TMEM17: variants seen among roughly 807,000 people sequenced by gnomAD.
TMEM17 encodes the protein transmembrane protein 17.
Under a neutral mutation model 19.1 loss-of-function variants are expected in TMEM17, and 15 were observed. The observed-to-expected ratio is 0.78, with a 90% CI of 0.52 to 1.21. The LOEUF (loss-of-function observed/expected upper bound fraction) is 1.21. Among genes scored for constraint, TMEM17 ranks in the 50% most tolerant of loss-of-function variants. TMEM17 has a pLI of 0.00. For missense variants in TMEM17, 245 were observed against 242.3 expected (o/e 1.01, Z -0.07); for synonymous variants, 103 against 86.9 (o/e 1.19, Z -1.03).
chr2:62,480,152 T>G, the TMEM17 span, among the ~76,000 whole-genome samples: 1 of 152,202 alleles, frequency 6.6e-6, no homozygotes, highest in Non-Finnish European at 1.5e-5. Context: ...TTTATTTCCC[T>G]GATGATTAGT....
At chr2:62,475,191 G>A in the TMEM17 span, among the ~76,000 whole-genome samples, 1 of 152,206 alleles carries the variant, frequency 6.6e-6, no homozygotes, top group Admixed American at 6.5e-5. Context: ...CAGCTTCTGA[G>A]CCAGACCAAG....
At position 62,501,031 on chromosome 2, in the gene TMEM17, AATATACTGTTTC is replaced by A. The variant is rs1679912859; in HGVS notation, c.*166_*177del. The A allele has an allele frequency of 1.9e-5, 11 of 579,362 alleles. No individual in the cohort carries two copies. Among genetic ancestry groups the A allele is most frequent in the Middle Eastern group, 4.8e-4 (1 of 2,080 alleles). The allele number at this position is 579,362 out of a possible 1,614,324, so 35.9% of individuals were successfully genotyped here. A position where few individuals can be genotyped will look rare whatever the true frequency, so the allele number is the denominator to read the frequency against. On this transcript the variant is annotated 3_prime_UTR_variant, in exon 4 of 4. Coordinates refer to ENST00000335390, the MANE Select transcript of TMEM17 (RefSeq NM_198276.3). ...TGGACAACATCTAGGTTTTAGGGTT[AATATACTGTTTC>A]ATATACTGTACAAAGTTTCATCATT... is the stretch of plus-strand genomic sequence containing the variant.
At chr2:62,465,952 G>T in the TMEM17 span, among the ~76,000 whole-genome samples, 2 of 152,146 alleles carry the variant, frequency 1.3e-5, no homozygotes, top group East Asian at 1.9e-4. Flanking sequence ...GGCAGGAAAG[G>T]CCTCAAATGC....
chr2:62,499,337 C>A (rs1679859846), downstream of TMEM17, among the ~76,000 whole-genome samples: 1 of 152,128 alleles, frequency 6.6e-6, no homozygotes, highest in African/African-American at 2.4e-5. Context: ...AATTTATCTG[C>A]TTTGTAGATT....
chr2:62,471,892 T>A, the TMEM17 span, among the ~76,000 whole-genome samples: 1 of 152,248 alleles, frequency 6.6e-6, no homozygotes, highest in Non-Finnish European at 1.5e-5. Flanking sequence ...TCGTCTATGG[T>A]GTTTCAGCCC....
the TMEM17 span, among the ~76,000 whole-genome samples, chr2:62,464,914 G>A: frequency 6.6e-6 from 1 of 152,196 alleles, no homozygotes; most frequent in African/African-American, 2.4e-5. Flanking sequence ...ATCAAGGGCA[G>A]GGTCTGCAAA....
the TMEM17 span, among the ~76,000 whole-genome samples, chr2:62,466,035 C>T: frequency 6.6e-6 from 1 of 152,164 alleles, no homozygotes; most frequent in Admixed American, 6.5e-5. Context: ...CAACAGAACT[C>T]AAGAAGTTCC....
chr2:62,496,387 A>C (rs1047996265), downstream of TMEM17, among the ~76,000 whole-genome samples: 3 of 152,248 alleles, frequency 2.0e-5, no homozygotes, highest in Non-Finnish European at 4.4e-5. Flanking sequence ...TATGTATAAA[A>C]GAAAAAGGAA....
chr2:62,498,467 A>AGCACTTTGGG (rs1292625188), downstream of TMEM17, among the ~76,000 whole-genome samples: 1 of 151,330 alleles, frequency 6.6e-6, no homozygotes, highest in Non-Finnish European at 1.5e-5. Context: ...CTGTAATCCC[A>AGCACTTTGGG]GCACTTTGGG....
At chr2:62,469,563 AT>A in the TMEM17 span, among the ~76,000 whole-genome samples, 1 of 152,218 alleles carries the variant, frequency 6.6e-6, no homozygotes, top group Non-Finnish European at 1.5e-5. Flanking sequence ...AAGGAATTTT[AT>A]TTAAAGAAAA....
rs946096785 is a variant in TMEM17, at chr2:62,501,156, A to G, written c.*53T>C. On this transcript the variant is annotated 3_prime_UTR_variant, in exon 4 of 4. Transcript: ENST00000335390. ...TTTCTCAGAGCTCTGATATTTTCCT[A>G]ACTCTTACAGTCTCTAGAATGATCT... 1.3e-6 allele frequency: 2 copies of G among 1,557,618 alleles called. No homozygotes were observed. The highest frequency in any genetic ancestry group is 3.8e-5 in the Admixed American group (2 of 52,346).
the TMEM17 span, among the ~76,000 whole-genome samples, chr2:62,465,833 T>C: frequency 5.3e-5 from 8 of 152,084 alleles, no homozygotes; most frequent in African/African-American, 1.9e-4. Context: ...GATACTTAGA[T>C]GTGGAAAGGT....
intron 1 of TMEM17, among the ~76,000 whole-genome samples, chr2:62,504,034 C>A (rs978527049): frequency 2.6e-5 from 4 of 152,144 alleles, no homozygotes; most frequent in South Asian, 4.1e-4. Flanking sequence ...AGTTGCTGTA[C>A]ACGTAAGATT....
In TMEM17 at chr2:62,502,739, G is replaced by A. The variant is rs1679964211; in HGVS notation, c.156C>T (p.Tyr52=). Residue 52 remains tyrosine, a synonymous_variant, in exon 2 of 4, where the codon TAC becomes TAT. Transcript: ENST00000335390. ...TGCTCACCCACCACAGTGGGAAATA[G>A]TAGGTATTAAAATAAAGTGACATCT... ...ALQMSLYFNT[Y]YFPLWWVSSI... The A allele has an allele frequency of 6.2e-7, 1 of 1,609,992 alleles. No homozygotes were observed. The highest frequency in any genetic ancestry group is 8.5e-7 in the Non-Finnish European group (1 of 1,178,820).
chr2:62,483,894 C>A, the TMEM17 span, among the ~76,000 whole-genome samples: 1 of 152,126 alleles, frequency 6.6e-6, no homozygotes, highest in African/African-American at 2.4e-5. Flanking sequence ...AGCCACCACA[C>A]CCGGCCTACG....
chr2:62,495,496 C>T (rs1679755807), downstream of TMEM17, among the ~76,000 whole-genome samples: 1 of 152,136 alleles, frequency 6.6e-6, no homozygotes, highest in East Asian at 1.9e-4. Flanking sequence ...GATTTAAAAC[C>T]CCCAAATTAA....
At chr2:62,460,349 C>T in the TMEM17 span, among the ~76,000 whole-genome samples, 3 of 152,176 alleles carry the variant, frequency 2.0e-5, no homozygotes, top group Admixed American at 6.5e-5. Flanking sequence ...AGCCATGGAG[C>T]GCCATGCCCA....
intron 1 of TMEM17, among the ~76,000 whole-genome samples, chr2:62,505,762 C>A (rs1310022712): frequency 6.6e-6 from 1 of 151,934 alleles, no homozygotes; most frequent in African/African-American, 2.4e-5. Context: ...TTGCGCGGCA[C>A]AGAGATCGGC....
At chr2:62,491,213 A>G in the TMEM17 span, 1 of 151,782 alleles carries the variant, frequency 6.6e-6, no homozygotes, top group African/African-American at 2.4e-5. Flanking sequence ...AGTCCCAGCC[A>G]CTCAGGAGGC....
Sources: gnomAD v4.1 joint callset for allele counts (sites outside exome capture counted in the v4.1 genomes callset) on GRCh38, gnomAD v4.1.1 for gene constraint, MANE v1.5 for transcripts, NCBI Gene and HGNC (gene_info 2026-07-23, HGNC 2026-07-21) for gene names.